The following LRRC4C variants were observed in gnomAD, a reference collection of about 807,000 sequenced individuals.
LRRC4C encodes the protein leucine rich repeat containing 4C.
Under a neutral mutation model 33.6 loss-of-function variants are expected in LRRC4C, and 5 were observed. The ratio of observed to expected loss-of-function variants is 0.15; its 90% confidence interval spans 0.08 to 0.31. LRRC4C has a LOEUF of 0.31. Ranked by LOEUF, LRRC4C falls within the 10% of genes least tolerant of loss-of-function variation. The pLI is 1.00. For missense variants in LRRC4C, 560 were observed against 796.7 expected, an observed-to-expected ratio of 0.70 and a Z score of 3.58; for synonymous variants, 329 against 302.0, an observed-to-expected ratio of 1.09 and a Z score of -0.93.
intron 1 of LRRC4C, among the ~76,000 whole-genome samples, chr11:41,229,015 T>G (rs937538850): frequency 1.3e-5 from 2 of 152,098 alleles, no homozygotes; most frequent in African/African-American, 4.8e-5. Context: ...GTTCTGGGGG[T>G]GTAAATTCTC....
At chr11:40,658,432 G>C (rs1389612131) in intron 2 of LRRC4C, among the ~76,000 whole-genome samples, 1 of 152,192 alleles carries the variant, frequency 6.6e-6, no homozygotes, top group Non-Finnish European at 1.5e-5. Context: ...TTCATGTCAA[G>C]TCAGTATGCT....
intron 1 of LRRC4C, among the ~76,000 whole-genome samples, chr11:41,357,068 A>G (rs1480853776): frequency 6.6e-6 from 1 of 152,044 alleles, no homozygotes; most frequent in African/African-American, 2.4e-5. Context: ...TACCAACAGC[A>G]TTTATTTGCA....
intron 2 of LRRC4C, among the ~76,000 whole-genome samples, chr11:40,768,773 G>C (rs1376368125): frequency 6.6e-6 from 1 of 151,998 alleles, no homozygotes; most frequent in Admixed American, 6.6e-5. Context: ...AAAATCAGTT[G>C]GTAAAATTCA....
intron 2 of LRRC4C, among the ~76,000 whole-genome samples, chr11:40,666,309 G>A (rs1046275175): frequency 9.2e-5 from 14 of 152,046 alleles, no homozygotes; most frequent in Admixed American, 1.3e-4. Flanking sequence ...TTTATATAGA[G>A]GGAAGGTATA....
intron 1 of LRRC4C, among the ~76,000 whole-genome samples, chr11:41,380,273 G>A (rs1953094240): frequency 1.3e-5 from 2 of 152,166 alleles, no homozygotes; most frequent in Non-Finnish European, 2.9e-5. Context: ...TAGAAATTAA[G>A]AGAGAGGGAA....
At chr11:40,162,988 C>T (rs1160015786) in intron 5 of LRRC4C, among the ~76,000 whole-genome samples, 1 of 152,152 alleles carries the variant, frequency 6.6e-6, no homozygotes, top group African/African-American at 2.4e-5. Context: ...ACCACCTCTA[C>T]TACATATCTC....
intron 1 of LRRC4C, among the ~76,000 whole-genome samples, chr11:41,344,631 C>T (rs1219463472): frequency 6.6e-6 from 1 of 152,164 alleles, no homozygotes; most frequent in African/African-American, 2.4e-5. Flanking sequence ...TATTGTTCAT[C>T]TGCTTTATGC....
At chr11:40,766,353 T>TAAAAAAAAAAAAAAAAAAAAAAA (rs60152534) in intron 2 of LRRC4C, among the ~76,000 whole-genome samples, 2 of 33,902 alleles carry the variant, frequency 5.9e-5, no homozygotes, top group African/African-American at 1.1e-4. Context: ...TTCAGTCTGT[T>TAAAAAAAAAAAAAAAAAAAAAAA]AAAAAAAAAA....
intron 2 of LRRC4C, among the ~76,000 whole-genome samples, chr11:40,922,832 C>CT (rs201121051): frequency 5.3e-5 from 8 of 151,372 alleles, no homozygotes; most frequent in South Asian, 2.1e-4. Flanking sequence ...AAATGTGATA[C>CT]TTTTTTTTTC....
intron 1 of LRRC4C, among the ~76,000 whole-genome samples, chr11:40,935,896 A>T (rs1297905743): frequency 6.6e-6 from 1 of 150,678 alleles, no homozygotes; most frequent in African/African-American, 2.4e-5. Context: ...TCAGGTCCTC[A>T]GCTATAAACT....
At chr11:40,730,929 G>C (rs1461373505) in intron 2 of LRRC4C, among the ~76,000 whole-genome samples, 1 of 152,198 alleles carries the variant, frequency 6.6e-6, no homozygotes, top group Non-Finnish European at 1.5e-5. Flanking sequence ...GTTGGCTGTA[G>C]GGCCTGGTGG....
chr11:40,480,370 T>TAA (rs1470560376), intron 3 of LRRC4C, among the ~76,000 whole-genome samples: 1 of 150,718 alleles, frequency 6.6e-6, no homozygotes, highest in Non-Finnish European at 1.5e-5. Context: ...AAAATAAAAA[T>TAA]AAATAAATAA....
intron 3 of LRRC4C, among the ~76,000 whole-genome samples, chr11:40,463,294 T>C (rs971711357): frequency 9.0e-5 from 13 of 144,674 alleles, no homozygotes; most frequent in Non-Finnish European, 2.0e-4. Context: ...TAGGTGTGCG[T>C]ATGTGTTACT....
chr11:40,940,789 A>C (rs1250323480), intron 1 of LRRC4C, among the ~76,000 whole-genome samples: 5 of 152,088 alleles, frequency 3.3e-5, no homozygotes, highest in Non-Finnish European at 7.4e-5. Flanking sequence ...GTAGTCAAAA[A>C]TCAGGTAAAT....
intron 3 of LRRC4C, among the ~76,000 whole-genome samples, chr11:40,578,147 T>G (rs1158030661): frequency 1.2e-5 from 1 of 83,804 alleles, no homozygotes; most frequent in Non-Finnish European, 2.7e-5. Flanking sequence ...TTCGGTTTTT[T>G]TTTTTTTTTT....
chr11:40,479,824 C>A (rs1953451970), intron 3 of LRRC4C, among the ~76,000 whole-genome samples: 1 of 151,960 alleles, frequency 6.6e-6, no homozygotes, highest in Non-Finnish European at 1.5e-5. Context: ...TTAGAAAGAA[C>A]ACAGGTTTAT....
intron 2 of LRRC4C, among the ~76,000 whole-genome samples, chr11:40,828,968 G>A (rs1952287637): frequency 6.6e-6 from 1 of 151,844 alleles, no homozygotes; most frequent in African/African-American, 2.4e-5. Context: ...CACATATGCT[G>A]CATTTTTCTG....
At chr11:40,383,752 A>G (rs1948988052) in intron 3 of LRRC4C, among the ~76,000 whole-genome samples, 1 of 151,618 alleles carries the variant, frequency 6.6e-6, no homozygotes, top group Non-Finnish European at 1.5e-5. Context: ...TGACACTATC[A>G]TGGCTCACTG....
chr11:41,403,074 C>A (rs1954086386), intron 1 of LRRC4C, among the ~76,000 whole-genome samples: 1 of 151,994 alleles, frequency 6.6e-6, no homozygotes, highest in South Asian at 2.1e-4. Context: ...CTTAGCTGGT[C>A]ATCTGAACAA....
Sources: allele counts gnomAD v4.1 joint callset (sites outside exome capture counted in the v4.1 genomes callset), GRCh38; gene constraint gnomAD v4.1.1; transcripts MANE v1.5; gene names NCBI Gene and HGNC (gene_info 2026-07-23, HGNC 2026-07-21).